The following HS1BP3 variants were observed in gnomAD, a reference collection of about 807,000 sequenced individuals.
HS1BP3 encodes HCLS1-binding protein 3.
A neutral mutation model predicts 33.5 loss-of-function variants in HS1BP3; 32 were observed. That is an observed-to-expected ratio of 0.95 (90% CI 0.72 to 1.28). The LOEUF (loss-of-function observed/expected upper bound fraction) is 1.28. HS1BP3 is among the 50% of genes most tolerant of loss of function. HS1BP3 has a pLI of 0.00. For missense variants in HS1BP3, 486 were observed against 502.3 expected (o/e 0.97, Z 0.31); for synonymous variants, 187 against 209.2 (o/e 0.89, Z 0.92).
At chr2:20,605,606 C>A (rs926751242) in intron 2 of HS1BP3, among the ~76,000 whole-genome samples, 1 of 152,234 alleles carries the variant, frequency 6.6e-6, no homozygotes, top group Non-Finnish European at 1.5e-5. Context: ...CAGCCCCTGG[C>A]AACCAGCTAC....
chr2:20,576,645 T>C (rs962837122), intron 5 of HS1BP3, among the ~76,000 whole-genome samples: 1 of 152,206 alleles, frequency 6.6e-6, no homozygotes, highest in Non-Finnish European at 1.5e-5. Context: ...TGCCAACAAA[T>C]ACTGCTACCC....
At chr2:20,590,390 A>G (rs928811796), downstream of HS1BP3, among the ~76,000 whole-genome samples, 3 of 152,138 alleles carry the variant, frequency 2.0e-5, no homozygotes, top group Non-Finnish European at 2.9e-5. Flanking sequence ...GTCACCTTCT[A>G]TCACAGACTA....
Position 20,580,955 on chromosome 2 carries a change from C to G in HS1BP3, c.303-20440G>C, listed in dbSNP as rs28433270. 9.3e-4 allele frequency among the ~76,000 whole-genome samples: 141 copies of G among 152,376 alleles called. 2 individuals carry two copies. The highest frequency in any genetic ancestry group is 3.3e-3 in the African/African-American group (138 of 41,584). ...TATTGGCCCAGACCCAAGGATACCA[C>G]TGCTGAAGGCACAGCCCCAGGTTAG... is the stretch of plus-strand genomic sequence containing the variant. On this transcript the variant is annotated intron_variant, in intron 5 of 5. Transcript: ENST00000446825.
chr2:20,625,871 G>C (rs1694764955), intron 4 of HS1BP3, among the ~76,000 whole-genome samples: 1 of 152,206 alleles, frequency 6.6e-6, no homozygotes, highest in African/African-American at 2.4e-5. Flanking sequence ...CACTGTAAGT[G>C]ATACCGCCAG....
Position 20,623,886 on chromosome 2 carries a change from CA to C in HS1BP3, c.920+9del. The C allele has an allele frequency of 6.2e-7, 1 of 1,609,678 alleles. No individual in the cohort carries two copies. Among genetic ancestry groups the C allele is most frequent in the Non-Finnish European group, 8.5e-7 (1 of 1,179,050 alleles). On this transcript the variant is annotated intron_variant, in intron 6 of 6. Coordinates refer to ENST00000304031, the MANE Select transcript of HS1BP3 (RefSeq NM_022460.4). The stretch of plus-strand genomic sequence containing the variant: ...AGAGCTGGCCAAGCGCCGCTGGGGA[CA>C]GGTGGTACCTGAACAGTTCCTTGGA...
intron 3 of HS1BP3, chr2:20,640,048 T>C (rs547494570): frequency 6.6e-6 from 1 of 152,366 alleles, no homozygotes; most frequent in Admixed American, 6.5e-5. Context: ...AAATAATTTG[T>C]TTTATTTACG....
At position 20,626,613 on chromosome 2, in the gene HS1BP3, G is replaced by A. The variant is rs146553111; in HGVS notation, c.624-1721C>T. Among the ~76,000 whole-genome samples, 9 of 152,320 alleles carry A rather than the reference G, an allele frequency of 5.9e-5. No homozygotes were observed. In the East Asian group the frequency reaches 1.7e-3, roughly 29 times the overall value. On this transcript the variant is annotated intron_variant, in intron 4 of 6. Transcript: ENST00000304031. The stretch of plus-strand genomic sequence containing the variant: ...GGGGAGAAAGTGGCATGTTTCAAGG[G>A]TAGTGATGGGGAGCAGAGACGCAGT...
chr2:20,646,460 C>T (rs1695522120), intron 1 of HS1BP3, among the ~76,000 whole-genome samples: 1 of 152,254 alleles, frequency 6.6e-6, no homozygotes, highest in African/African-American at 2.4e-5. Flanking sequence ...ACACGGACCC[C>T]TCACATCCCA....
At chr2:20,627,981 C>A (rs143179600) in intron 4 of HS1BP3, among the ~76,000 whole-genome samples, 14 of 152,282 alleles carry the variant, frequency 9.2e-5, no homozygotes, top group African/African-American at 3.4e-4. Context: ...ACATCTCCAT[C>A]TCAGGATTCT....
At chr2:20,558,308 G>T (rs553690037), downstream of HS1BP3, among the ~76,000 whole-genome samples, 36 of 152,306 alleles carry the variant, frequency 2.4e-4, no homozygotes, top group Admixed American at 8.5e-4. Context: ...GAAGAGCTTG[G>T]ACCACCTACT....
chr2:20,559,604 A>AGG (rs1692931732), downstream of HS1BP3, among the ~76,000 whole-genome samples: 1 of 143,028 alleles, frequency 7.0e-6, no homozygotes, highest in Non-Finnish European at 1.5e-5. Flanking sequence ...GGATGAATGG[A>AGG]TGGGTGGATG....
downstream of HS1BP3, among the ~76,000 whole-genome samples, chr2:20,588,193 A>G (rs1028814300): frequency 2.6e-5 from 4 of 152,176 alleles, no homozygotes; most frequent in Non-Finnish European, 5.9e-5. Context: ...TTAATTGTCT[A>G]TGCTTTTCTA....
downstream of HS1BP3, among the ~76,000 whole-genome samples, chr2:20,591,408 A>G (rs551270591): frequency 6.6e-6 from 1 of 152,342 alleles, no homozygotes; most frequent in South Asian, 2.1e-4. Context: ...CCTCAAACAT[A>G]GGTGTGGCCA....
At chr2:20,650,772 T>C (rs577912887) in intron 1 of HS1BP3, among the ~76,000 whole-genome samples, 5 of 152,274 alleles carry the variant, frequency 3.3e-5, no homozygotes, top group Admixed American at 3.3e-4. Context: ...CCGCCTGCAC[T>C]GAACCAGTCA....
rs1432973510 is a variant in HS1BP3 at position 20,625,001 on chromosome 2, T to C, written c.624-109A>G. 8 of 1,350,176 alleles carry C rather than the reference T, an allele frequency of 5.9e-6. No homozygotes were observed. The Admixed American group carries it at 1.1e-4, about 19-fold the overall frequency. The allele number at this position is 1,350,176 out of a possible 1,614,324, so 83.6% of individuals were successfully genotyped here. On this transcript the variant is annotated intron_variant, in intron 4 of 6. Transcript: ENST00000304031. ...CCTGCAGTGGAGGGGCTGGATGCCA[T>C]GGGCCAGAAAAGACCAGGCCAGAGG...
chr2:20,613,468 G>A (rs1446218470), downstream of HS1BP3, among the ~76,000 whole-genome samples: 2 of 152,260 alleles, frequency 1.3e-5, no homozygotes, highest in Non-Finnish European at 2.9e-5. Context: ...TCCAGCCAGG[G>A]AAGGCCTTCT....
At chr2:20,554,744 C>G in the HS1BP3 span, among the ~76,000 whole-genome samples, 1 of 149,730 alleles carries the variant, frequency 6.7e-6, no homozygotes, top group Non-Finnish European at 1.5e-5. Flanking sequence ...GGGTTTGGAA[C>G]AGTGCCTTGT....
downstream of HS1BP3, chr2:20,591,191 G>A (rs1050700457): frequency 6.0e-6 from 1 of 167,156 alleles, no homozygotes; most frequent in Non-Finnish European, 1.5e-5. Context: ...ACTGGAGAGG[G>A]ACGCCTCCAT....
chr2:20,574,218 G>A (rs1223527784), intron 5 of HS1BP3, among the ~76,000 whole-genome samples: 1 of 152,212 alleles, frequency 6.6e-6, no homozygotes, highest in East Asian at 1.9e-4. Flanking sequence ...CAAACTGCAA[G>A]GCTCGTGAGA....
Sources: allele counts gnomAD v4.1 joint callset (sites outside exome capture counted in the v4.1 genomes callset), GRCh38; gene constraint gnomAD v4.1.1; transcripts MANE v1.5; gene names NCBI Gene and HGNC (gene_info 2026-07-23, HGNC 2026-07-21).